Variants in DEPDC1B observed in about 807,000 individuals in gnomAD.
The protein encoded by DEPDC1B is DEP domain containing 1B, also known as DEP domain-containing protein 1B.
A neutral mutation model predicts 66.5 loss-of-function variants in DEPDC1B; 51 were observed. The ratio of observed to expected loss-of-function variants is 0.77; its 90% CI spans 0.61 to 0.97. DEPDC1B has a LOEUF of 0.97. Among genes scored for constraint, DEPDC1B ranks in the 50% least tolerant of loss-of-function variants. The pLI is 0.00. For missense variants in DEPDC1B, 552 were observed against 637.1 expected (o/e 0.87, Z 1.44); for synonymous variants, 226 against 223.6 (o/e 1.01, Z -0.10).
intron 7 of DEPDC1B, among the ~76,000 whole-genome samples, chr5:60,635,863 A>T (rs1753033382): frequency 6.6e-6 from 1 of 152,202 alleles, no homozygotes; most frequent in Non-Finnish European, 1.5e-5. Context: ...CTTTTTAAAA[A>T]CACAGGTCAA....
intron 1 of DEPDC1B, among the ~76,000 whole-genome samples, chr5:60,699,450 A>AAAAAAAAAAAAAAAC (rs1561398819): frequency 6.6e-6 from 1 of 150,548 alleles, no homozygotes; most frequent in African/African-American, 2.5e-5. Flanking sequence ...CCAGAAAAAA[A>AAAAAAAAAAAAAAAC]AAAAAAAAAA....
At position 60,647,410 on chromosome 5, in the gene DEPDC1B, C is replaced by A; in HGVS notation, c.438G>T (p.Arg146Ser). Residue 146 changes from arginine (R) to serine (S), a missense_variant, in exon 3 of 11, where the codon AGG (arginine) becomes AGT (serine). By Grantham distance (110) the Arg-to-Ser change is moderately radical. Transcript: ENST00000265036. ...PGTSQENIPVRPVVMNSEMWY... is the reference protein window; with the variant it reads ...PGTSQENIPVSPVVMNSEMWY... The stretch of plus-strand genomic sequence containing the variant: ...TCATGGCACTTACCATCACAACTGG[C>A]CTCACTGGGATGTTCTCTTGTGAAG... 6.2e-7 allele frequency: 1 copy of A among 1,605,474 alleles called. No homozygotes were observed.
intron 2 of DEPDC1B, among the ~76,000 whole-genome samples, chr5:60,674,653 CA>C (rs1754115643): frequency 6.6e-6 from 1 of 152,152 alleles, no homozygotes; most frequent in African/African-American, 2.4e-5. Flanking sequence ...GTCACAAACA[CA>C]TAATAGTCAT....
intron 7 of DEPDC1B, among the ~76,000 whole-genome samples, chr5:60,629,240 A>G (rs1016123723): frequency 2.0e-5 from 3 of 152,188 alleles, no homozygotes; most frequent in African/African-American, 7.2e-5. Flanking sequence ...TTATCTCTTC[A>G]TCTGTTCCTG....
intron 2 of DEPDC1B, among the ~76,000 whole-genome samples, chr5:60,668,166 T>C (rs1435789435): frequency 3.3e-5 from 1 of 30,296 alleles, no homozygotes; most frequent in Non-Finnish European, 5.4e-5. Context: ...ATATTATATA[T>C]ATATAAAATG....
intron 7 of DEPDC1B, among the ~76,000 whole-genome samples, chr5:60,624,534 C>G (rs1752771220): frequency 6.6e-6 from 1 of 152,148 alleles, no homozygotes; most frequent in African/African-American, 2.4e-5. Context: ...CCCTCATCTT[C>G]TATTTTCTGA....
intron 2 of DEPDC1B, among the ~76,000 whole-genome samples, chr5:60,667,708 T>TAATGGATATTTTACATGTATAA (rs1753889750): frequency 9.6e-6 from 1 of 104,206 alleles, no homozygotes; most frequent in Non-Finnish European, 1.9e-5. Flanking sequence ...TACATGTATA[T>TAATGGATATTTTACATGTATAA]AAAATGGATA....
Position 60,609,837 on chromosome 5 carries a change from T to C in DEPDC1B, c.899-3981A>G, listed in dbSNP as rs368624096. Among the ~76,000 whole-genome samples the C allele has an allele frequency of 6.6e-5, 10 of 152,312 alleles. No homozygotes were observed. The South Asian group carries it at 2.1e-3, about 32-fold the overall frequency. ...TGGGACAAAACCTATTATTTTGACA[T>C]AATTTATGAGATAAAATTGAAAAAT... On this transcript the variant is annotated intron_variant, in intron 7 of 10. Transcript: ENST00000265036.
chr5:60,635,635 G>A (rs1417918018), intron 7 of DEPDC1B, among the ~76,000 whole-genome samples: 2 of 152,188 alleles, frequency 1.3e-5, no homozygotes, highest in African/African-American at 2.4e-5. Flanking sequence ...AGTCTGAGAA[G>A]CATGAGGAGT....
intron 2 of DEPDC1B, among the ~76,000 whole-genome samples, chr5:60,661,362 G>C (rs1376287099): frequency 6.6e-6 from 1 of 152,184 alleles, no homozygotes; most frequent in African/African-American, 2.4e-5. Flanking sequence ...ACACACCCTG[G>C]AAAGGAATAA....
Position 60,605,785 on chromosome 5 carries a change from T to A in DEPDC1B, c.970A>T (p.Arg324Trp). 6.2e-7 allele frequency: 1 copy of A among 1,613,728 alleles called. No individual in the cohort carries two copies. The highest frequency in any genetic ancestry group is 2.2e-5 in the East Asian group (1 of 44,878). Residue 324 changes from arginine to tryptophan, a missense_variant, in exon 8 of 11, where the codon AGG becomes TGG. Coordinates refer to ENST00000265036, the MANE Select transcript of DEPDC1B (RefSeq NM_018369.3). ...CTCATCAATAGCTGTAACTTTCTCC[T>A]ATTTTCAGGAGGTAGGAGAAGGCAG... The part of the protein sequence containing the change: ...ICCLLLPPEN[R>W]RKLQLLMRMM...
chr5:60,635,401 G>A (rs909399622), intron 7 of DEPDC1B, among the ~76,000 whole-genome samples: 24 of 152,154 alleles, frequency 1.6e-4, no homozygotes, highest in African/African-American at 5.6e-4. Context: ...AATCACAGGC[G>A]AAGATCTCAA....
In DEPDC1B at chr5:60,607,231, G is replaced by A. The variant is rs780374081; in HGVS notation, c.899-1375C>T. On this transcript the variant is annotated intron_variant, in intron 7 of 10. Transcript: ENST00000265036. ...ATCAACAGAGATGAGGTCTCAGAAGGCCCTGACTGCCAGAGGAAGGAGATT... is the reference window on the plus strand; with the variant it reads ...ATCAACAGAGATGAGGTCTCAGAAGACCCTGACTGCCAGAGGAAGGAGATT... Among the ~76,000 whole-genome samples, 25 of 152,278 alleles carry A rather than the reference G, an allele frequency of 1.6e-4. No homozygotes were observed. In the Middle Eastern group the frequency reaches 0.017, roughly 104 times the overall value.
chr5:60,649,160 CTA>C (rs1290787744), intron 2 of DEPDC1B, among the ~76,000 whole-genome samples: 1 of 152,142 alleles, frequency 6.6e-6, no homozygotes, highest in African/African-American at 2.4e-5. Context: ...CACAAACTCT[CTA>C]TGTGTCTTTT....
intron 7 of DEPDC1B, among the ~76,000 whole-genome samples, chr5:60,615,008 TA>T (rs955798029): frequency 6.6e-6 from 1 of 151,838 alleles, no homozygotes; most frequent in African/African-American, 2.4e-5. Flanking sequence ...AATAAATGAA[TA>T]AATAAATAAA....
chr5:60,633,437 C>A (rs895704634), intron 7 of DEPDC1B, among the ~76,000 whole-genome samples: 2 of 152,184 alleles, frequency 1.3e-5, no homozygotes, highest in Non-Finnish European at 2.9e-5. Flanking sequence ...GGGAAGCACA[C>A]AAGAAAGCTA....
chr5:60,621,461 T>C (rs867332767), intron 7 of DEPDC1B, among the ~76,000 whole-genome samples: 40 of 150,890 alleles, frequency 2.7e-4, no homozygotes, highest in Admixed American at 1.7e-3. Flanking sequence ...ACCAAACACC[T>C]CATATTCTCA....
intron 2 of DEPDC1B, among the ~76,000 whole-genome samples, chr5:60,674,808 T>C (rs1754119125): frequency 6.6e-6 from 1 of 152,062 alleles, no homozygotes; most frequent in Admixed American, 6.6e-5. Context: ...AATTTGGAGA[T>C]ACCAAATAGA....
chr5:60,644,943 T>C, intron 4 of DEPDC1B, 68 bp from the exon 5 acceptor site: 1 of 1,255,396 alleles, frequency 8.0e-7, no homozygotes, highest in Non-Finnish European at 1.1e-6. Flanking sequence ...AACCTGGTAC[T>C]ACAAAAAATC....
Sources: gnomAD v4.1 joint callset for allele counts (sites outside exome capture counted in the v4.1 genomes callset) on GRCh38, gnomAD v4.1.1 for gene constraint, MANE v1.5 for transcripts, NCBI Gene and HGNC (gene_info 2026-07-23, HGNC 2026-07-21) for gene names.